Variants in MSRB3 observed in about 807,000 individuals in gnomAD.
The protein encoded by MSRB3 is methionine sulfoxide reductase B3, also known as methionine-R-sulfoxide reductase B3.
In MSRB3, 13 loss-of-function variants were observed where a neutral mutation model predicts 21.0. The observed-to-expected ratio is 0.62, with a 90% CI of 0.40 to 0.98. The LOEUF (loss-of-function observed/expected upper bound fraction) is 0.98, where lower values mean the gene tolerates loss of function less well. MSRB3 is among the 50% of genes least tolerant of loss of function. MSRB3 has a pLI of 0.00. For missense variants in MSRB3, 199 were observed against 230.3 expected (o/e 0.86, Z 0.88); for synonymous variants, 87 against 88.6 (o/e 0.98, Z 0.10).
chr12:65,286,553 CTGTT>C, intron 1 of MSRB3: 1 of 152,190 alleles, frequency 6.6e-6, no homozygotes, highest in South Asian at 2.1e-4. Flanking sequence ...CTACAGGTCT[CTGTT>C]ATAGCCGTGA....
At chr12:65,355,271 C>T (rs1217884019) in intron 4 of MSRB3, among the ~76,000 whole-genome samples, 1 of 151,780 alleles carries the variant, frequency 6.6e-6, no homozygotes, top group Non-Finnish European at 1.5e-5. Context: ...GTCAAGTATG[C>T]TTGCCTAGAG....
At chr12:65,357,058 A>G (rs1240597663) in intron 4 of MSRB3, among the ~76,000 whole-genome samples, 1 of 151,894 alleles carries the variant, frequency 6.6e-6, no homozygotes, top group African/African-American at 2.4e-5. Flanking sequence ...ATAAGGAACA[A>G]ATTGAAGTGG....
At chr12:65,401,953 G>T (rs544490440) in intron 5 of MSRB3, among the ~76,000 whole-genome samples, 1 of 152,250 alleles carries the variant, frequency 6.6e-6, no homozygotes, top group East Asian at 1.9e-4. Flanking sequence ...CTCTCTTCTG[G>T]CTTGTAGAGT....
At chr12:65,409,166 G>A (rs112693335) in intron 5 of MSRB3, among the ~76,000 whole-genome samples, 51 of 43,374 alleles carry the variant, frequency 1.2e-3, no homozygotes, top group African/African-American at 5.9e-3. Context: ...ATCTATATAC[G>A]TGTGTGTGTG....
At chr12:65,390,706 C>A (rs1196511187) in intron 5 of MSRB3, among the ~76,000 whole-genome samples, 1 of 151,988 alleles carries the variant, frequency 6.6e-6, no homozygotes, top group African/African-American at 2.4e-5. Flanking sequence ...GGCAAAAAAA[C>A]CCTTAACAGC....
At chr12:65,449,827 C>T (rs115514883) in intron 5 of MSRB3, among the ~76,000 whole-genome samples, 235 of 152,252 alleles carry the variant, frequency 1.5e-3, no homozygotes, top group African/African-American at 5.3e-3. Flanking sequence ...ATGAGGGCCA[C>T]ATTTTCTAGA....
chr12:65,423,888 G>T (rs977667107), intron 5 of MSRB3, among the ~76,000 whole-genome samples: 1 of 152,088 alleles, frequency 6.6e-6, no homozygotes, highest in African/African-American at 2.4e-5. Context: ...TCAATTCTTT[G>T]GAAGAGTTTG....
chr12:65,315,773 A>G (rs900479993), intron 2 of MSRB3, among the ~76,000 whole-genome samples: 86 of 152,014 alleles, frequency 5.7e-4, no homozygotes, highest in African/African-American at 1.9e-3. Flanking sequence ...TTTATGTATT[A>G]ACTTTTATGA....
intron 1 of MSRB3, among the ~76,000 whole-genome samples, chr12:65,291,232 C>A (rs1344170381): frequency 6.6e-6 from 1 of 151,998 alleles, no homozygotes; most frequent in Admixed American, 6.6e-5. Flanking sequence ...ATTACAGGCG[C>A]CTGCCACCAT....
chr12:65,443,031 A>AGC (rs1882454444), intron 5 of MSRB3, among the ~76,000 whole-genome samples: 1 of 152,228 alleles, frequency 6.6e-6, no homozygotes, highest in Admixed American at 6.5e-5. Context: ...CACAAAGGGA[A>AGC]ATAGGGAAGC....
intron 1 of MSRB3, chr12:65,307,085 T>C (rs1011438989): frequency 1.0e-6 from 1 of 966,686 alleles, no homozygotes; most frequent in Non-Finnish European, 1.2e-6. Context: ...AGGGAAAAAA[T>C]ACATTTTTAT....
intron 4 of MSRB3, 42 bp from the exon 5 acceptor site, chr12:65,368,956 C>T: frequency 1.6e-6 from 1 of 632,830 alleles, no homozygotes; most frequent in Non-Finnish European, 2.5e-6. Context: ...TGTTCTTTTA[C>T]AAACAGTTTT....
chr12:65,358,734 T>C (rs1357621500), intron 4 of MSRB3, among the ~76,000 whole-genome samples: 1 of 152,008 alleles, frequency 6.6e-6, no homozygotes, highest in Admixed American at 6.6e-5. Context: ...GCTTTGACTT[T>C]TTCCCCTGTA....
chr12:65,432,299 G>C lies in MSRB3; in HGVS notation c.293-21429G>C, dbSNP rs141119983. Among the ~76,000 whole-genome samples, 8 of 152,072 alleles carry C rather than the reference G, an allele frequency of 5.3e-5. No homozygotes were observed. The East Asian group carries it at 1.4e-3, about 26-fold the overall frequency. On this transcript the variant is annotated intron_variant, in intron 5 of 6. Coordinates refer to ENST00000308259, the MANE Select transcript of MSRB3 (RefSeq NM_001031679.3). ...ATCATTACATAATCTATATCCATAT[G>C]CTGTTTATAACAAGCTGAAATGTTA...
intron 3 of MSRB3, among the ~76,000 whole-genome samples, chr12:65,327,880 A>G (rs187313351): frequency 1.3e-5 from 2 of 152,232 alleles, no homozygotes; most frequent in African/African-American, 4.8e-5. Context: ...TGTTGTGTAC[A>G]TGACTAGCAA....
intron 5 of MSRB3, among the ~76,000 whole-genome samples, chr12:65,372,531 G>A (rs1358373542): frequency 6.6e-6 from 1 of 152,176 alleles, no homozygotes; most frequent in Non-Finnish European, 1.5e-5. Flanking sequence ...ACTAATGTTG[G>A]CTTGCCTAGG....
chr12:65,382,770 G>T (rs1460242328), intron 5 of MSRB3, among the ~76,000 whole-genome samples: 1 of 151,094 alleles, frequency 6.6e-6, no homozygotes, highest in African/African-American at 2.4e-5. Flanking sequence ...ATTTTTTCAG[G>T]GTTGTAGAAG....
intron 4 of MSRB3, among the ~76,000 whole-genome samples, chr12:65,363,182 A>T (rs181748557): frequency 6.6e-6 from 1 of 152,218 alleles, no homozygotes; most frequent in South Asian, 2.1e-4. Context: ...ACCTTCTGCA[A>T]TGCTAATTTC....
intron 5 of MSRB3, among the ~76,000 whole-genome samples, chr12:65,374,654 G>C (rs530302046): frequency 1.3e-5 from 2 of 152,290 alleles, no homozygotes; most frequent in East Asian, 3.9e-4. Context: ...CTAATGGTTA[G>C]GGTGTAATTT....
Sources: allele counts gnomAD v4.1 joint callset (sites outside exome capture counted in the v4.1 genomes callset), GRCh38; gene constraint gnomAD v4.1.1; transcripts MANE v1.5; gene names NCBI Gene and HGNC (gene_info 2026-07-23, HGNC 2026-07-21).